The following TESK2 variants were observed in gnomAD, a reference collection of about 807,000 sequenced individuals.
TESK2 encodes testis associated actin remodelling kinase 2, also known as dual specificity testis-specific protein kinase 2.
Under a neutral mutation model 57.1 loss-of-function variants are expected in TESK2, and 39 were observed. The ratio of observed to expected loss-of-function variants is 0.68; its 90% confidence interval spans 0.53 to 0.89. TESK2 has a LOEUF of 0.89. Ranked by LOEUF, TESK2 falls within the 40% of genes least tolerant of loss-of-function variation. The pLI is 0.00. For synonymous variants in TESK2, 249 were observed against 267.9 expected (o/e 0.93, Z 0.69); for missense variants, 646 against 732.1 (o/e 0.88, Z 1.36).
chr1:45,452,900 A>C (rs1479731857), intron 2 of TESK2, among the ~76,000 whole-genome samples: 1 of 152,132 alleles, frequency 6.6e-6, no homozygotes, highest in African/African-American at 2.4e-5. Flanking sequence ...AAACACTTTA[A>C]AATTACCTGA....
At chr1:45,444,503 C>T (rs746850512) in intron 2 of TESK2, among the ~76,000 whole-genome samples, 1 of 152,082 alleles carries the variant, frequency 6.6e-6, no homozygotes, top group Non-Finnish European at 1.5e-5. Context: ...GAATAACAGC[C>T]AACTATGAGA....
At chr1:45,410,474 G>A (rs1438406814) in intron 3 of TESK2, among the ~76,000 whole-genome samples, 3 of 149,902 alleles carry the variant, frequency 2.0e-5, no homozygotes, top group East Asian at 2.0e-4. Context: ...GCATGGTGGC[G>A]CGTGCCTGTA....
intron 2 of TESK2, among the ~76,000 whole-genome samples, chr1:45,432,002 C>T (rs1399731768): frequency 1.3e-5 from 2 of 151,686 alleles, no homozygotes; most frequent in East Asian, 2.0e-4. Context: ...TCCCAGCACT[C>T]TGGGAGGCTG....
chr1:45,383,207 G>C (rs1557550750), intron 4 of TESK2, among the ~76,000 whole-genome samples: 1 of 152,280 alleles, frequency 6.6e-6, no homozygotes, highest in East Asian at 1.9e-4. Context: ...TTCAAGGACT[G>C]TGCTAGATAT....
At chr1:45,485,040 A>T (rs951281277) in intron 1 of TESK2, among the ~76,000 whole-genome samples, 2 of 152,058 alleles carry the variant, frequency 1.3e-5, no homozygotes, top group African/African-American at 2.4e-5. Context: ...CAAAATAAAT[A>T]AATTAATTAA....
intron 3 of TESK2, among the ~76,000 whole-genome samples, chr1:45,419,574 A>C (rs1488773130): frequency 9.2e-5 from 14 of 152,014 alleles, no homozygotes. Flanking sequence ...GGGAGGCCGA[A>C]GCAGGTGGAT....
chr1:45,356,911 C>T (rs538706571), intron 4 of TESK2, among the ~76,000 whole-genome samples: 56 of 152,042 alleles, frequency 3.7e-4, no homozygotes, highest in Middle Eastern at 6.8e-3. Flanking sequence ...TTCAGAAGGA[C>T]GGCCGGGCGC....
chr1:45,485,305 C>T lies in TESK2; in HGVS notation c.-87+5547G>A, dbSNP rs559773268. Among the ~76,000 whole-genome samples the T allele has an allele frequency of 8.0e-5, 12 of 150,350 alleles. 1 individual carries two copies. The East Asian group carries it at 1.8e-3, about 23-fold the overall frequency. ...CGGGTTCACGCCCTTCTCCTGCCTCCGCCTCCTGAGTAGCTGGGACGACAT... is the reference window on the plus strand; with the variant it reads ...CGGGTTCACGCCCTTCTCCTGCCTCTGCCTCCTGAGTAGCTGGGACGACAT... On this transcript the variant is annotated intron_variant, in intron 1 of 10. Coordinates refer to ENST00000372086, the MANE Select transcript of TESK2 (RefSeq NM_007170.3).
At chr1:45,368,032 T>C (rs1310674336) in intron 4 of TESK2, among the ~76,000 whole-genome samples, 1 of 151,106 alleles carries the variant, frequency 6.6e-6, no homozygotes. Context: ...TTCACTCTTG[T>C]TGCCCAGGCT....
chr1:45,345,436 G>A lies in TESK2; in HGVS notation c.1120C>T (p.Arg374Cys), dbSNP rs747335305. ...LSRSQSDIFS[R>C]KPPRTVSVLD... ...ACACTCACTGTACGTGGGGGCTTAC[G>A]GGAAAAGATATCTGACTGGCTTCGA... The change falls in exon 11 of 11, where the codon CGT becomes TGT. Residue 374 changes from arginine to cysteine, a missense_variant. Transcript: ENST00000372086. 4.8e-5 allele frequency: 78 copies of A among 1,614,040 alleles called. No individual in the cohort carries two copies. Among genetic ancestry groups the A allele is most frequent in the Middle Eastern group, 1.6e-4 (1 of 6,084 alleles).
intron 4 of TESK2, among the ~76,000 whole-genome samples, chr1:45,365,571 TG>T (rs1647878123): frequency 6.6e-6 from 1 of 152,078 alleles, no homozygotes; most frequent in South Asian, 2.1e-4. Context: ...TGGAGCACAA[TG>T]GCATGATCTC....
chr1:45,346,147 C>G (rs1390981935), intron 9 of TESK2, among the ~76,000 whole-genome samples, 153 bp from the exon 10 acceptor site: 1 of 152,188 alleles, frequency 6.6e-6, no homozygotes, highest in Non-Finnish European at 1.5e-5. Context: ...CCCTACAGTT[C>G]AGGTCAGGGA....
chr1:45,347,323 C>G (rs951076252), intron 7 of TESK2, among the ~76,000 whole-genome samples: 17 of 152,090 alleles, frequency 1.1e-4, no homozygotes, highest in African/African-American at 4.1e-4. Flanking sequence ...CCCAGCACTT[C>G]AAGAGGCCGA....
At chr1:45,398,855 A>G (rs1649466028) in intron 3 of TESK2, 1 of 405,464 alleles carries the variant, frequency 2.5e-6, no homozygotes, top group Admixed American at 3.5e-5. Context: ...CCTCAACACT[A>G]TTTTCCACAG....
chr1:45,395,039 T>C (rs1649303776), intron 3 of TESK2, among the ~76,000 whole-genome samples: 1 of 152,168 alleles, frequency 6.6e-6, no homozygotes. Context: ...AGACTTTGTC[T>C]AGAGACTAGA....
chr1:45,346,184 G>A (rs768141121), intron 9 of TESK2, among the ~76,000 whole-genome samples, 190 bp from the exon 10 acceptor site: 5 of 152,156 alleles, frequency 3.3e-5, no homozygotes, highest in Non-Finnish European at 7.4e-5. Context: ...TACCCTCCCT[G>A]TCTTAGTGTT....
Position 45,344,933 on chromosome 1 carries a change from C to G in TESK2, c.1623G>C (p.Glu541Asp). Reference protein sequence around the residue: ...TSPCPAGASEEMEVEERPAGS... With the variant: ...TSPCPAGASEDMEVEERPAGS... ...CTGCTGGCCTTTCTTCTACCTCCAT[C>G]TCCTCAGAAGCACCCGCAGGGCATG... The change falls in exon 11 of 11, where the codon GAG (glutamate) becomes GAC (aspartate). Residue 541 changes from glutamate to aspartate, a missense_variant. Glu to Asp is a conservative substitution (Grantham distance 45). Coordinates refer to ENST00000372086, the MANE Select transcript of TESK2 (RefSeq NM_007170.3). The G allele has an allele frequency of 6.2e-7, 1 of 1,614,228 alleles. No individual in the cohort carries two copies. Among genetic ancestry groups the G allele is most frequent in the Admixed American group, 1.7e-5 (1 of 60,030 alleles).
At chr1:45,406,070 T>C (rs1649834883) in intron 3 of TESK2, among the ~76,000 whole-genome samples, 1 of 151,362 alleles carries the variant, frequency 6.6e-6, no homozygotes, top group Non-Finnish European at 1.5e-5. Context: ...ATAAAAAAAT[T>C]AAAACAAAAA....
In TESK2 at chr1:45,344,362, T is replaced by G. The variant is rs954486419; in HGVS notation, c.*478A>C. On this transcript the variant is annotated 3_prime_UTR_variant, in exon 11 of 11. Coordinates refer to ENST00000372086, the MANE Select transcript of TESK2 (RefSeq NM_007170.3). ...AGTGCAAACAGCAATTACTCAAATGTCTTAGAATACTGGCAAGAAGCACCC... is the reference window on the plus strand; with the variant it reads ...AGTGCAAACAGCAATTACTCAAATGGCTTAGAATACTGGCAAGAAGCACCC... 3.7e-5 allele frequency: 6 copies of G among 163,994 alleles called. No individual in the cohort carries two copies. Among genetic ancestry groups the G allele is most frequent in the Admixed American group, 1.2e-4 (2 of 17,094 alleles). The allele number at this position is 163,994 out of a possible 1,614,324, so 10.2% of individuals were successfully genotyped here.
Sources: gnomAD v4.1 joint callset for allele counts (sites outside exome capture counted in the v4.1 genomes callset) on GRCh38, gnomAD v4.1.1 for gene constraint, MANE v1.5 for transcripts, NCBI Gene and HGNC (gene_info 2026-07-23, HGNC 2026-07-21) for gene names.